CDK14: variants seen among roughly 807,000 people sequenced by gnomAD.
The protein encoded by CDK14 is cyclin dependent kinase 14.
A neutral mutation model predicts 60.7 loss-of-function variants in CDK14; 34 were observed. That is an observed-to-expected ratio of 0.56 (90% CI 0.43 to 0.75). The LOEUF (loss-of-function observed/expected upper bound fraction) is 0.75, where lower values mean the gene tolerates loss of function less well. Ranked by LOEUF, CDK14 falls within the 30% of genes least tolerant of loss-of-function variation. CDK14 has a pLI of 0.00. For synonymous variants in CDK14, 197 were observed against 203.7 expected (o/e 0.97, Z 0.28); for missense variants, 482 against 564.1 (o/e 0.85, Z 1.47).
chr7:90,888,816 A>T (rs1792030377), intron 6 of CDK14, among the ~76,000 whole-genome samples: 1 of 152,110 alleles, frequency 6.6e-6, no homozygotes, highest in Non-Finnish European at 1.5e-5. Flanking sequence ...TTTCATTCTC[A>T]TTCCTCTAAA....
intron 2 of CDK14, among the ~76,000 whole-genome samples, chr7:90,619,457 T>C (rs1799722500): frequency 6.6e-6 from 1 of 152,212 alleles, no homozygotes. Flanking sequence ...TCTTGATACC[T>C]GCAACTTTCT....
intron 2 of CDK14, among the ~76,000 whole-genome samples, chr7:90,693,405 TG>T (rs1801595163): frequency 6.6e-6 from 1 of 152,188 alleles, no homozygotes; most frequent in South Asian, 2.1e-4. Context: ...TTCTACCAGC[TG>T]GGGGTAGACA....
chr7:91,012,333 C>A (rs1435292808), intron 10 of CDK14, among the ~76,000 whole-genome samples: 3 of 152,206 alleles, frequency 2.0e-5, no homozygotes, highest in Non-Finnish European at 4.4e-5. Context: ...CTTTCCCTAA[C>A]TTTGAGTAGT....
chr7:90,609,444 C>T (rs913102706), intron 2 of CDK14, among the ~76,000 whole-genome samples: 1 of 152,016 alleles, frequency 6.6e-6, no homozygotes, highest in African/African-American at 2.4e-5. Context: ...GGGGTGGATC[C>T]TTCTTGAATG....
intron 4 of CDK14, among the ~76,000 whole-genome samples, chr7:90,767,580 G>A (rs538652200): frequency 6.6e-6 from 1 of 152,048 alleles, no homozygotes; most frequent in Admixed American, 6.6e-5. Context: ...TTTGGACAAG[G>A]TTTTCTATTC....
At chr7:91,147,963 C>T (rs1271745317) in intron 14 of CDK14, among the ~76,000 whole-genome samples, 1 of 152,154 alleles carries the variant, frequency 6.6e-6, no homozygotes, top group Non-Finnish European at 1.5e-5. Flanking sequence ...TATGTCTATC[C>T]ACACACATAC....
intron 7 of CDK14, among the ~76,000 whole-genome samples, chr7:90,905,003 A>T (rs1441400124): frequency 6.6e-6 from 1 of 152,170 alleles, no homozygotes; most frequent in Non-Finnish European, 1.5e-5. Flanking sequence ...ATGCACAAGG[A>T]GTTGAAAATT....
chr7:90,671,212 C>G (rs746871493), intron 2 of CDK14, among the ~76,000 whole-genome samples: 3 of 151,900 alleles, frequency 2.0e-5, no homozygotes, highest in Non-Finnish European at 4.4e-5. Flanking sequence ...CTATTTCCAG[C>G]GTTCAGGATT....
At chr7:90,916,686 A>G (rs984364221) in intron 7 of CDK14, among the ~76,000 whole-genome samples, 1 of 152,230 alleles carries the variant, frequency 6.6e-6, no homozygotes, top group African/African-American at 2.4e-5. Flanking sequence ...AAAAGTAAGA[A>G]CATTTGTTTT....
intron 9 of CDK14, among the ~76,000 whole-genome samples, chr7:90,965,252 C>G (rs1178807728): frequency 6.6e-6 from 1 of 152,182 alleles, no homozygotes; most frequent in Non-Finnish European, 1.5e-5. Flanking sequence ...CCTCTTCTGT[C>G]CTGCCCTGTG....
At chr7:91,021,841 C>T (rs1337907297) in intron 10 of CDK14, among the ~76,000 whole-genome samples, 5 of 152,194 alleles carry the variant, frequency 3.3e-5, no homozygotes, top group African/African-American at 4.8e-5. Flanking sequence ...CTTAAATATA[C>T]TGTTGAATGA....
At chr7:91,103,060 C>A (rs1448551530) in intron 12 of CDK14, among the ~76,000 whole-genome samples, 1 of 152,096 alleles carries the variant, frequency 6.6e-6, no homozygotes, top group Non-Finnish European at 1.5e-5. Context: ...CGAGACCAGT[C>A]TGGCCAACAT....
At chr7:91,028,365 G>A (rs1209644879) in intron 10 of CDK14, among the ~76,000 whole-genome samples, 1 of 151,906 alleles carries the variant, frequency 6.6e-6, no homozygotes, top group Non-Finnish European at 1.5e-5. Context: ...TCCATATATT[G>A]CATATTGCAT....
chr7:90,932,462 C>T (rs1793622275), intron 8 of CDK14, among the ~76,000 whole-genome samples: 1 of 152,026 alleles, frequency 6.6e-6, no homozygotes, highest in South Asian at 2.1e-4. Flanking sequence ...TGCATCTCTC[C>T]CATCTCCCCC....
intron 4 of CDK14, among the ~76,000 whole-genome samples, chr7:90,776,613 T>C (rs76767895): frequency 0.013 from 1,956 of 152,270 alleles, 58 homozygotes; most frequent in African/African-American, 0.045. Flanking sequence ...CCTCCTGATA[T>C]CATTGTTTCC....
chr7:90,713,141 C>T (rs1420998932), intron 2 of CDK14, among the ~76,000 whole-genome samples: 1 of 152,060 alleles, frequency 6.6e-6, no homozygotes, highest in Non-Finnish European at 1.5e-5. Context: ...CTAGCTTCAT[C>T]AATACAGCTT....
At chr7:90,626,921 A>G (rs906863212) in intron 2 of CDK14, among the ~76,000 whole-genome samples, 22 of 152,050 alleles carry the variant, frequency 1.4e-4, no homozygotes, top group Non-Finnish European at 3.1e-4. Context: ...TCTCGGTGAT[A>G]GAATGAGACC....
chr7:91,123,108 A>G (rs1799832761), intron 14 of CDK14, among the ~76,000 whole-genome samples: 1 of 152,206 alleles, frequency 6.6e-6, no homozygotes, highest in African/African-American at 2.4e-5. Flanking sequence ...TGATGGTGTG[A>G]TATCTTCATT....
intron 2 of CDK14, among the ~76,000 whole-genome samples, chr7:90,715,916 G>C (rs1193475510): frequency 6.6e-6 from 1 of 151,394 alleles, no homozygotes; most frequent in Non-Finnish European, 1.5e-5. Flanking sequence ...TGAGCCCTTT[G>C]GCTATAAATG....
Sources: allele counts gnomAD v4.1 joint callset (sites outside exome capture counted in the v4.1 genomes callset), GRCh38; gene constraint gnomAD v4.1.1; transcripts MANE v1.5; gene names NCBI Gene and HGNC (gene_info 2026-07-23, HGNC 2026-07-21).